Variants in CPT1C observed in about 807,000 individuals in gnomAD.
CPT1C encodes the protein carnitine palmitoyltransferase 1C, also known as palmitoyl thioesterase CPT1C.
Under a neutral mutation model 97.3 loss-of-function variants are expected in CPT1C, and 61 were observed. The observed-to-expected ratio is 0.63, with a 90% CI of 0.51 to 0.78. The LOEUF is 0.78. Ranked by LOEUF, CPT1C falls within the 30% of genes least tolerant of loss-of-function variation. The probability of loss-of-function intolerance (pLI) is 0.00; values close to 1 mark genes in which losing one functional copy is unlikely to be tolerated. For missense variants in CPT1C, 975 were observed against 1,065.5 expected (o/e 0.92, Z 1.18); for synonymous variants, 469 against 447.2 (o/e 1.05, Z -0.61).
chr19:49,711,845 G>C lies in CPT1C; in HGVS notation c.1903G>C (p.Asp635His). The C allele has an allele frequency of 6.2e-7, 1 of 1,613,802 alleles. No homozygotes were observed. The highest frequency in any genetic ancestry group is 8.5e-7 in the Non-Finnish European group (1 of 1,180,024). The change falls in exon 17 of 20, where the codon GAC becomes CAC. Residue 635 changes from aspartate to histidine, a missense_variant. Asp to His is a moderately conservative substitution (Grantham distance 81). Coordinates refer to ENST00000598293, the MANE Select transcript of CPT1C (RefSeq NM_001199753.2). The part of the protein sequence containing the change: ...QCLALFRVAV[D>H]KHQALLKAAM... The stretch of plus-strand genomic sequence containing the variant: ...CCTCGCCCTGTTCCGCGTGGCAGTG[G>C]ACAAGCACCAGGCTCTGCTGAAGGC...
At chr19:49,692,188 G>A in intron 2 of CPT1C, 51 bp from the exon 3 acceptor site, 1 of 1,590,706 alleles carries the variant, frequency 6.3e-7, no homozygotes, top group Non-Finnish European at 8.6e-7. Context: ...GGACTCCTGA[G>A]TCTGAGGGCG....
At chr19:49,691,761 G>C (rs1003902327) in intron 1 of CPT1C, 60 bp from the exon 2 acceptor site, 32 of 155,572 alleles carry the variant, frequency 2.1e-4, no homozygotes, top group Non-Finnish European at 4.3e-4. Flanking sequence ...CCATGTTCTT[G>C]GGAGAGCAGG....
chr19:49,702,638 GAAAA>G (rs1161628448), intron 7 of CPT1C, among the ~76,000 whole-genome samples: 1 of 143,154 alleles, frequency 7.0e-6, no homozygotes, highest in Admixed American at 7.0e-5. Flanking sequence ...AAAAAGAAAA[GAAAA>G]AAAAAAAGAC....
In CPT1C at chr19:49,709,976, A is replaced by G. The variant is rs191282495; in HGVS notation, c.1567-344A>G. Among the ~76,000 whole-genome samples, 1,174 of 151,938 alleles carry G rather than the reference A, an allele frequency of 7.7e-3. 2 individuals carry two copies. Among genetic ancestry groups the G allele is most frequent in the Non-Finnish European group, 0.011 (780 of 67,982 alleles). On this transcript the variant is annotated intron_variant, in intron 14 of 19. Transcript: ENST00000598293. The stretch of plus-strand genomic sequence containing the variant: ...ATTCTCCTGCCTCAGCCTCCCAAGT[A>G]GCTGGGACTACAGGCACGTGCCACC...
At chr19:49,712,234 T>C in intron 17 of CPT1C, 1 of 428,560 alleles carries the variant, frequency 2.3e-6, no homozygotes, top group South Asian at 2.5e-5. Context: ...TCCCAGCTAC[T>C]TGGGAGGGCT....
intron 17 of CPT1C, 45 bp downstream of exon 17, chr19:49,712,006 G>A: frequency 6.3e-7 from 1 of 1,592,968 alleles, no homozygotes; most frequent in Non-Finnish European, 8.6e-7. Flanking sequence ...GGGAGACCAT[G>A]GAAGAAGGGA....
chr19:49,704,223 G>A (rs1190043085), intron 7 of CPT1C, among the ~76,000 whole-genome samples: 1 of 152,164 alleles, frequency 6.6e-6, no homozygotes, highest in Non-Finnish European at 1.5e-5. Context: ...CCAGGCTGGA[G>A]TGCAATGGTG....
intron 4 of CPT1C, chr19:49,697,899 A>G (rs1461556033): frequency 6.4e-6 from 1 of 155,268 alleles, no homozygotes; most frequent in Non-Finnish European, 1.4e-5. Flanking sequence ...AATACAAAAA[A>G]TTAGCTGGGC....
At chr19:49,699,268 G>C (rs961533179) in intron 4 of CPT1C, among the ~76,000 whole-genome samples, 1 of 151,480 alleles carries the variant, frequency 6.6e-6, no homozygotes, top group Admixed American at 6.6e-5. Context: ...GAGTCCTCCC[G>C]GGGAGGAAGG....
Position 49,705,079 on chromosome 19 carries a change from T to TACCGCCACCGCCTGA in CPT1C, c.852_866dup (p.His284_Arg288dup). 6.2e-7 allele frequency: 1 copy of TACCGCCACCGCCTGA among 1,613,856 alleles called. No individual in the cohort carries two copies. ...GAATGCCGTCCATGCCCTCCTCCTGTACCGCCACCGCCTGAACCGCCAGGA... is the reference window on the plus strand; with the variant it reads ...GAATGCCGTCCATGCCCTCCTCCTGTACCGCCACCGCCTGAACCGCCACCGCCTGAACCGCCAGGA... On this transcript the variant is annotated inframe_insertion, in exon 9 of 20. Coordinates refer to ENST00000598293, the MANE Select transcript of CPT1C (RefSeq NM_001199753.2).
chr19:49,702,694 C>T (rs2083252005), intron 7 of CPT1C, among the ~76,000 whole-genome samples: 1 of 151,234 alleles, frequency 6.6e-6, no homozygotes, highest in Non-Finnish European at 1.5e-5. Context: ...TGGGAGAGGC[C>T]TGAACTCCAG....
At chr19:49,699,098 G>A (rs1381569932) in intron 4 of CPT1C, among the ~76,000 whole-genome samples, 3 of 151,630 alleles carry the variant, frequency 2.0e-5, no homozygotes, top group South Asian at 2.1e-4. Flanking sequence ...GAGAGACTCC[G>A]TCTCAATTAA....
Position 49,708,825 on chromosome 19 carries a change from G to C in CPT1C, c.1552G>C (p.Asp518His), listed in dbSNP as rs199943704. The part of the protein sequence containing the change: ...TLPQPQRLQW[D>H]LPDQIHSSIS... ...ACCCCAGCCCCAGCGGCTGCAATGG[G>C]ACCTTCCAGACCAGGTGAGGCTGGG... Residue 518 changes from aspartate to histidine, a missense_variant, in exon 14 of 20, where the codon GAC becomes CAC. By Grantham distance (81) the Asp-to-His change is moderately conservative. Around this residue, in one of 3 missense-constraint regions of CPT1C, gnomAD observed 344 missense variants for 395.7 expected, o/e 0.87. Transcript: ENST00000598293. The C allele has an allele frequency of 1.2e-6, 2 of 1,611,278 alleles. No homozygotes were observed. The highest frequency in any genetic ancestry group is 4.5e-5 in the East Asian group (2 of 44,836).
intron 3 of CPT1C, among the ~76,000 whole-genome samples, chr19:49,694,876 C>T (rs901856399): frequency 1.3e-5 from 2 of 152,162 alleles, no homozygotes; most frequent in African/African-American, 4.8e-5. Flanking sequence ...CATGGTGGCT[C>T]ACGCCTCTAA....
chr19:49,692,501 C>A, intron 3 of CPT1C, 108 bp downstream of exon 3: 1 of 1,380,862 alleles, frequency 7.2e-7, no homozygotes, highest in Non-Finnish European at 9.9e-7. Context: ...GGGAGACTAT[C>A]ACCCCTTTTT....
At chr19:49,697,207 A>G in intron 3 of CPT1C, 119 bp from the exon 4 acceptor site, 1 of 1,285,380 alleles carries the variant, frequency 7.8e-7, no homozygotes, top group South Asian at 1.2e-5. Flanking sequence ...TCCCTACTAG[A>G]TCTTGAGCCT....
At chr19:49,699,776 G>A (rs1465670924) in intron 4 of CPT1C, among the ~76,000 whole-genome samples, 2 of 152,068 alleles carry the variant, frequency 1.3e-5, no homozygotes, top group Non-Finnish European at 2.9e-5. Context: ...CCAATGTGGT[G>A]AAACCCTCTC....
chr19:49,712,891 G>A (rs748430649), intron 18 of CPT1C, 42 bp downstream of exon 18: 2 of 1,596,396 alleles, frequency 1.3e-6, no homozygotes, highest in South Asian at 1.1e-5. Flanking sequence ...GGAAAGAGGG[G>A]GCTGGGGGGC....
chr19:49,692,445 C>T (rs749401483), intron 3 of CPT1C, 52 bp downstream of exon 3: 15 of 1,602,134 alleles, frequency 9.4e-6, no homozygotes, highest in Middle Eastern at 1.7e-4. Flanking sequence ...TTTCTGCTTC[C>T]GGGATGTCTG....
Sources: gnomAD v4.1 joint callset for allele counts (sites outside exome capture counted in the v4.1 genomes callset) on GRCh38, gnomAD v4.1.1 for gene constraint, gnomAD v4.1.1 regional missense constraint, MANE v1.5 for transcripts, NCBI Gene and HGNC (gene_info 2026-07-23, HGNC 2026-07-21) for gene names.